Variants in TLE4 observed in about 807,000 individuals in gnomAD.
TLE4 encodes transducin-like enhancer protein 4.
Under a neutral mutation model 92.8 loss-of-function variants are expected in TLE4, and 8 were observed. That is an observed-to-expected ratio of 0.09 (90% CI 0.05 to 0.16). The LOEUF (loss-of-function observed/expected upper bound fraction) is 0.16, where lower values mean the gene tolerates loss of function less well. Ranked by LOEUF, TLE4 falls within the 10% of genes least tolerant of loss-of-function variation. TLE4 has a pLI of 1.00. For missense variants in TLE4, 675 were observed against 997.6 expected, an observed-to-expected ratio of 0.68 and a Z score of 4.36; for synonymous variants, 371 against 374.1, an observed-to-expected ratio of 0.99 and a Z score of 0.10.
At chr9:79,582,810 A>G (rs1452209717) in intron 4 of TLE4, among the ~76,000 whole-genome samples, 1 of 152,082 alleles carries the variant, frequency 6.6e-6, no homozygotes, top group East Asian at 1.9e-4. Context: ...CGTTCCAGCA[A>G]TGGTGGTAGG....
At chr9:79,573,463 G>T in intron 1 of TLE4, 1 of 1,033,236 alleles carries the variant, frequency 9.7e-7, no homozygotes, top group Non-Finnish European at 1.3e-6. Context: ...GGTCCGGGGC[G>T]CGGGGGCCTG....
intron 1 of TLE4, chr9:79,573,403 C>T (rs754737819): frequency 2.5e-6 from 3 of 1,200,054 alleles, no homozygotes; most frequent in East Asian, 4.0e-5. Context: ...GCGCGGGTCC[C>T]TGGGTGCCTG....
chr9:79,688,070 G>A (rs12349682), intron 8 of TLE4, among the ~76,000 whole-genome samples: 25,584 of 151,926 alleles, frequency 0.17, 2,490 homozygotes, highest in African/African-American at 0.26. Context: ...CTTGTTCCAC[G>A]TTGAGAAGGC....
chr9:79,719,200 C>T (rs1303123349), intron 15 of TLE4, among the ~76,000 whole-genome samples: 4 of 152,072 alleles, frequency 2.6e-5, no homozygotes, highest in Non-Finnish European at 5.9e-5. Flanking sequence ...ATTAACTCTG[C>T]CTCCCATGGG....
chr9:79,644,908 G>A (rs575604767), intron 6 of TLE4, among the ~76,000 whole-genome samples: 1 of 152,192 alleles, frequency 6.6e-6, no homozygotes, highest in East Asian at 1.9e-4. Flanking sequence ...TAGTATGGTT[G>A]TGGGCTTGGG....
chr9:79,614,948 C>T lies in TLE4; in HGVS notation c.315+2230C>T, dbSNP rs371520599. ...GATCTATGCCATGGTTTTCTAAATG[C>T]TAGTTCTGTGTATATATTTTCTTTT... On this transcript the variant is annotated intron_variant, in intron 5 of 19. Coordinates refer to ENST00000376552, the MANE Select transcript of TLE4 (RefSeq NM_007005.6). Among the ~76,000 whole-genome samples, 12 of 152,222 alleles carry T rather than the reference C, an allele frequency of 7.9e-5. No homozygotes were observed. In the South Asian group the frequency reaches 2.1e-3, roughly 26 times the overall value.
intron 8 of TLE4, among the ~76,000 whole-genome samples, chr9:79,686,634 G>A (rs2065915900): frequency 6.6e-6 from 1 of 152,290 alleles, no homozygotes; most frequent in Non-Finnish European, 1.5e-5. Flanking sequence ...GCCACAAACC[G>A]AAGAATGCCA....
At chr9:79,713,513 C>T (rs2073842307) in intron 14 of TLE4, among the ~76,000 whole-genome samples, 2 of 152,198 alleles carry the variant, frequency 1.3e-5, no homozygotes, top group South Asian at 4.1e-4. Context: ...TGACTCCCTG[C>T]ACCCTCTCCC....
At chr9:79,590,867 T>G (rs1005128595) in intron 4 of TLE4, among the ~76,000 whole-genome samples, 5 of 152,254 alleles carry the variant, frequency 3.3e-5, no homozygotes, top group Non-Finnish European at 4.4e-5. Flanking sequence ...TACCTGGAAC[T>G]GGATTTATTA....
intron 6 of TLE4, among the ~76,000 whole-genome samples, chr9:79,635,310 TTTA>T (rs2055448520): frequency 6.6e-6 from 1 of 152,094 alleles, no homozygotes; most frequent in South Asian, 2.1e-4. Flanking sequence ...ATCAGTCAGT[TTTA>T]TTATTGAGTT....
chr9:79,604,568 G>C (rs1393181115), intron 4 of TLE4, among the ~76,000 whole-genome samples: 3 of 152,146 alleles, frequency 2.0e-5, no homozygotes, highest in Non-Finnish European at 4.4e-5. Context: ...ATTGGAAGAA[G>C]AGGAAAGAAA....
chr9:79,704,489 A>G (rs1232984091), intron 8 of TLE4, among the ~76,000 whole-genome samples: 2 of 152,198 alleles, frequency 1.3e-5, no homozygotes, highest in South Asian at 2.1e-4. Flanking sequence ...TTGAGTTTAC[A>G]CTAATTCCTG....
intron 14 of TLE4, among the ~76,000 whole-genome samples, chr9:79,713,652 C>A (rs2073868612): frequency 6.6e-6 from 1 of 152,062 alleles, no homozygotes; most frequent in Admixed American, 6.6e-5. Context: ...CCAGTTTGCC[C>A]TTTTTTTGTT....
At chr9:79,694,235 A>ATGG (rs2067712791) in intron 8 of TLE4, among the ~76,000 whole-genome samples, 1 of 152,200 alleles carries the variant, frequency 6.6e-6, no homozygotes, top group Non-Finnish European at 1.5e-5. Context: ...CTGAAATGGC[A>ATGG]AGTAGAATGG....
intron 4 of TLE4, among the ~76,000 whole-genome samples, chr9:79,577,152 T>C (rs2038084667): frequency 6.6e-6 from 1 of 152,140 alleles, no homozygotes; most frequent in Non-Finnish European, 1.5e-5. Context: ...TCATTTCCTA[T>C]TTATGGTCAA....
chr9:79,687,612 CT>C (rs1243880675), intron 8 of TLE4, among the ~76,000 whole-genome samples: 4 of 152,170 alleles, frequency 2.6e-5, no homozygotes, highest in African/African-American at 9.7e-5. Context: ...AAGCAAGTCC[CT>C]TGTCATTCCT....
At chr9:79,617,843 A>G (rs942998840) in intron 5 of TLE4, among the ~76,000 whole-genome samples, 2 of 151,944 alleles carry the variant, frequency 1.3e-5, no homozygotes, top group Non-Finnish European at 2.9e-5. Context: ...GGAAAAAAAA[A>G]AAAAAGCTTG....
chr9:79,711,477 A>C (rs568382251), intron 14 of TLE4, among the ~76,000 whole-genome samples: 3 of 152,214 alleles, frequency 2.0e-5, no homozygotes, highest in Non-Finnish European at 4.4e-5. Flanking sequence ...ACTTGTGGGG[A>C]AAGTGGAAGG....
Position 79,706,882 on chromosome 9 carries a change from T to G in TLE4, c.919T>G (p.Ser307Ala), listed in dbSNP as rs757014980. 7.4e-6 allele frequency: 12 copies of G among 1,613,996 alleles called. No homozygotes were observed. The highest frequency in any genetic ancestry group is 4.4e-5 in the South Asian group (4 of 91,084). ...TTCCAGCAGTACTCCCTCCTCCAAA[T>G]CCAAAGAACTTAGCCTTGTAAGCAG... is the stretch of plus-strand genomic sequence containing the variant. Reference protein sequence around the residue: ...ASSSSTPSSKSKELSLNEKST... With the variant: ...ASSSSTPSSKAKELSLNEKST... Residue 307 changes from serine to alanine, a missense_variant, in exon 11 of 20, where the codon TCC (serine) becomes GCC (alanine). Coordinates refer to ENST00000376552, the MANE Select transcript of TLE4 (RefSeq NM_007005.6).
Sources: gnomAD v4.1 joint callset for allele counts (sites outside exome capture counted in the v4.1 genomes callset) on GRCh38, gnomAD v4.1.1 for gene constraint, MANE v1.5 for transcripts, NCBI Gene and HGNC (gene_info 2026-07-23, HGNC 2026-07-21) for gene names.